The following TEX22 variants were observed in gnomAD, a reference collection of about 807,000 sequenced individuals.
TEX22 encodes testis expressed 22, also known as testis-expressed protein 22.
Under a neutral mutation model 11.3 loss-of-function variants are expected in TEX22, and 16 were observed. The observed-to-expected ratio is 1.42, with a 90% CI of 0.96 to 2.15. The LOEUF is 2.15. TEX22 is among the 30% of genes most tolerant of loss of function. The pLI is 0.00. For synonymous variants in TEX22, 97 were observed against 92.3 expected, an observed-to-expected ratio of 1.05 and a Z score of -0.29; for missense variants, 220 against 208.6, an observed-to-expected ratio of 1.05 and a Z score of -0.34.
At chr14:105,401,682 T>C (rs587617494) in intron 2 of TEX22, among the ~76,000 whole-genome samples, 7 of 152,018 alleles carry the variant, frequency 4.6e-5, no homozygotes, top group Middle Eastern at 3.4e-3. Context: ...TGGATACATA[T>C]GTAACAAACC....
At position 105,411,394 on chromosome 14, in the gene TEX22, C is replaced by A; in HGVS notation, c.177C>A (p.Arg59=). The A allele has an allele frequency of 2.3e-6, 3 of 1,321,628 alleles. No homozygotes were observed. The African/African-American group carries it at 4.6e-5, about 20-fold the overall frequency. 81.9% of individuals were successfully genotyped at this position (1,321,628 alleles called of 1,614,324 possible). The part of the protein sequence containing the change: ...DWVCEPPERR[R]PGRRWSVSID... Reference sequence around the variant, plus strand: ...TGTGCGAGCCGCCGGAACGCAGGCGCCCGGGCCGCCGCTGGAGCGTCAGCA... The same window carrying A: ...TGTGCGAGCCGCCGGAACGCAGGCGACCGGGCCGCCGCTGGAGCGTCAGCA... Residue 59 remains arginine (R), a synonymous_variant, in exon 3 of 4, where the codon CGC becomes CGA. Transcript: ENST00000451127.
At position 105,411,748 on chromosome 14, in the gene TEX22, C is replaced by G. The variant is rs781965294; in HGVS notation, c.368C>G (p.Thr123Ser). ...CACCCGCTGAGGTCCACCGAGTCCA[C>G]CAACGCCTTCCAGGCCTTCCTGGCG... ...LPHPLRSTESTNAFQAFLARS... is the reference protein window; with the variant it reads ...LPHPLRSTESSNAFQAFLARS... Residue 123 changes from threonine (T) to serine (S), a missense_variant, in exon 4 of 4, where the codon ACC becomes AGC. Thr to Ser is a moderately conservative substitution (Grantham distance 58). Transcript: ENST00000451127. 4 of 1,517,988 alleles carry G rather than the reference C, an allele frequency of 2.6e-6. No homozygotes were observed. In the South Asian group the frequency reaches 3.6e-5, roughly 14 times the overall value. 94.0% of individuals were successfully genotyped at this position (1,517,988 alleles called of 1,614,324 possible).
At chr14:105,411,525 C>CCCTG in intron 3 of TEX22, 29 bp downstream of exon 3, 4 of 1,056,540 alleles carry the variant, frequency 3.8e-6, no homozygotes, top group Non-Finnish European at 4.6e-6. Flanking sequence ...CTCCCCGCCC[C>CCCTG]GTCCCCGCCC....
Position 105,411,383 on chromosome 14 carries a change from G to T in TEX22, c.166G>T (p.Glu56Ter). 2.3e-6 allele frequency: 3 copies of T among 1,325,182 alleles called. No homozygotes were observed. Among genetic ancestry groups the T allele is most frequent in the South Asian group, 3.9e-5 (2 of 51,522 alleles). The allele number at this position is 1,325,182 out of a possible 1,614,324, so 82.1% of individuals were successfully genotyped here. A position where few individuals can be genotyped will look rare whatever the true frequency, so the allele number is the denominator to read the frequency against. Residue 56 changes from glutamate (E) to a stop codon, truncating the protein, a stop_gained, in exon 3 of 4, where the codon GAA (glutamate) becomes TAA (stop). Coordinates refer to ENST00000451127, the MANE Select transcript of TEX22 (RefSeq NM_001195082.2). LOFTEE classifies it high-confidence loss of function. ...QTQDWVCEPP[E>*]RRRPGRRWSV... is the part of the protein sequence containing the mutation. ...TGTCCCCCAGGTGTGCGAGCCGCCG[G>T]AACGCAGGCGCCCGGGCCGCCGCTG...
intron 2 of TEX22, among the ~76,000 whole-genome samples, chr14:105,409,753 CTCCT>C (rs1555419152): frequency 1.4e-5 from 2 of 146,844 alleles, no homozygotes; most frequent in African/African-American, 2.5e-5. Flanking sequence ...TTCTCTCTTT[CTCCT>C]TCCTTCCTTC....
rs145732210 is a variant in TEX22 at position 105,402,135 on chromosome 14, G to A, written c.150+2645G>A. On this transcript the variant is annotated intron_variant, in intron 2 of 3. Coordinates refer to ENST00000451127, the MANE Select transcript of TEX22 (RefSeq NM_001195082.2). ...TGGGAGTTGGAGGATGCAGTGAGCCGAGATTCCGCCACCACACTCCAGCCT... is the reference window on the plus strand; with the variant it reads ...TGGGAGTTGGAGGATGCAGTGAGCCAAGATTCCGCCACCACACTCCAGCCT... Among the ~76,000 whole-genome samples, 49 of 152,130 alleles carry A rather than the reference G, an allele frequency of 3.2e-4. 1 individual carries two copies. The highest frequency in any genetic ancestry group is 1.1e-3 in the African/African-American group (47 of 41,422).
Position 105,413,039 on chromosome 14 carries a change from G to GCT in TEX22, c.*1206_*1207insCT. ...TCCCCTTCTTACTGTAAGACTCAGT[G>GCT]AAGTTCCCTCCTCCTTCAGGAAGCC... On this transcript the variant is annotated 3_prime_UTR_variant, in exon 4 of 4. Coordinates refer to ENST00000451127, the MANE Select transcript of TEX22 (RefSeq NM_001195082.2). The surrounding 1 kb of genome is among the most constrained non-coding windows in gnomAD (Gnocchi z 4.2). The GCT allele has an allele frequency of 6.6e-6, 1 of 152,490 alleles. No individual in the cohort carries two copies. The highest frequency in any genetic ancestry group is 2.1e-4 in the South Asian group (1 of 4,830). 9.4% of individuals were successfully genotyped at this position (152,490 alleles called of 1,614,324 possible).
intron 2 of TEX22, among the ~76,000 whole-genome samples, chr14:105,400,338 C>T (rs1332752708): frequency 6.6e-6 from 1 of 152,212 alleles, no homozygotes; most frequent in Non-Finnish European, 1.5e-5. Flanking sequence ...CTTTCAAAAC[C>T]CCTATGATGG....
At chr14:105,402,880 CAT>C (rs1272847640) in intron 2 of TEX22, among the ~76,000 whole-genome samples, 1 of 151,932 alleles carries the variant, frequency 6.6e-6, no homozygotes, top group Non-Finnish European at 1.5e-5. Context: ...GGGCAGATTT[CAT>C]ATGTGTGTTT....
rs1192297473 is a variant in TEX22 at position 105,399,339 on chromosome 14, A to T, written c.-2A>T. On this transcript the variant is annotated 5_prime_UTR_variant, in exon 2 of 4. Coordinates refer to ENST00000451127, the MANE Select transcript of TEX22 (RefSeq NM_001195082.2). ...TGGACAAGCAGCCTACTAGGGCTAG[A>T]GATGGACAGCAGGAAACTGTCCCCC... 6.5e-7 allele frequency: 1 copy of T among 1,528,940 alleles called. No homozygotes were observed. Among genetic ancestry groups the T allele is most frequent in the African/African-American group, 1.4e-5 (1 of 72,746 alleles). 94.7% of individuals were successfully genotyped at this position (1,528,940 alleles called of 1,614,324 possible).
In TEX22 at chr14:105,411,531, C is replaced by T. The variant is rs1393279341; in HGVS notation, c.279+35C>T. 1.8e-4 allele frequency: 121 copies of T among 675,722 alleles called. No individual in the cohort carries two copies. In the East Asian group the frequency reaches 0.014, roughly 79 times the overall value. 41.9% of individuals were successfully genotyped at this position (675,722 alleles called of 1,614,324 possible). A position where few individuals can be genotyped will look rare whatever the true frequency, so the allele number is the denominator to read the frequency against. On this transcript the variant is annotated intron_variant, in intron 3 of 3. Transcript: ENST00000451127. ...GGGCGGGTCCTCCCCGCCCCGTCCCCGCCCCGCCCCGCCCCTCCGCCTCGC... is the reference window on the plus strand; with the variant it reads ...GGGCGGGTCCTCCCCGCCCCGTCCCTGCCCCGCCCCGCCCCTCCGCCTCGC...
chr14:105,411,682 A>G lies in TEX22; in HGVS notation c.302A>G (p.Gln101Arg), dbSNP rs1555419410. The change falls in exon 4 of 4, where the codon CAG (glutamine) becomes CGG (arginine). Residue 101 changes from glutamine (Q) to arginine (R), a missense_variant. Gln to Arg is a conservative substitution (Grantham distance 43). Coordinates refer to ENST00000451127, the MANE Select transcript of TEX22 (RefSeq NM_001195082.2). Reference sequence around the variant, plus strand: ...CAGGACGTCGTGCAGATGGTAGCCCAGCTGGTGTCGGAGGACGTGGACAAG... The same window carrying G: ...CAGGACGTCGTGCAGATGGTAGCCCGGCTGGTGTCGGAGGACGTGGACAAG... ...HCRDVVQMVA[Q>R]LVSEDVDKDV... 1.3e-6 allele frequency: 2 copies of G among 1,531,602 alleles called. No homozygotes were observed. The highest frequency in any genetic ancestry group is 1.7e-6 in the Non-Finnish European group (2 of 1,144,660). The allele number at this position is 1,531,602 out of a possible 1,614,324, so 94.9% of individuals were successfully genotyped here. A position where few individuals can be genotyped will look rare whatever the true frequency, so the allele number is the denominator to read the frequency against.
rs149438716 is a variant in TEX22, at chr14:105,411,123, G to C, written c.151-245G>C. ...TAAGCGGTCCACAGGCAGCCCTGCT[G>C]TACATGAAGCGGGGCAGGTACTGGG... On this transcript the variant is annotated intron_variant, in intron 2 of 3. Coordinates refer to ENST00000451127, the MANE Select transcript of TEX22 (RefSeq NM_001195082.2). Among the ~76,000 whole-genome samples the C allele has an allele frequency of 7.8e-3, 1,190 of 152,334 alleles. 21 individuals are homozygous for C. The highest frequency in any genetic ancestry group is 7.1e-3 in the Non-Finnish European group (483 of 68,020).
Position 105,413,124 on chromosome 14 carries a change from G to T in TEX22, c.*1291G>T, listed in dbSNP as rs781922682. The T allele has an allele frequency of 1.4e-4, 22 of 152,282 alleles. No individual in the cohort carries two copies. Among genetic ancestry groups the T allele is most frequent in the Non-Finnish European group, 4.4e-5 (3 of 68,096 alleles). The allele number at this position is 152,282 out of a possible 1,614,324, so 9.4% of individuals were successfully genotyped here. On this transcript the variant is annotated 3_prime_UTR_variant, in exon 4 of 4. Transcript: ENST00000451127. The surrounding 1 kb of genome is among the most constrained non-coding windows in gnomAD (Gnocchi z 4.2). ...TCCCAAGTCCTCTGAATGTCATTTG[G>T]TGCACCCTAGGGATCCTCTGCATTT...
intron 2 of TEX22, among the ~76,000 whole-genome samples, chr14:105,399,759 G>A (rs2081614934): frequency 6.6e-6 from 1 of 152,204 alleles, no homozygotes; most frequent in Non-Finnish European, 1.5e-5. Context: ...AGGAGGCAAG[G>A]CAACACACTT....
chr14:105,410,280 T>C (rs1208468384), intron 2 of TEX22, among the ~76,000 whole-genome samples: 1 of 152,226 alleles, frequency 6.6e-6, no homozygotes, highest in Admixed American at 6.5e-5. Flanking sequence ...TTTTTCCACG[T>C]TGGTCAGGCT....
At chr14:105,400,668 C>T (rs1360599859) in intron 2 of TEX22, among the ~76,000 whole-genome samples, 1 of 152,096 alleles carries the variant, frequency 6.6e-6, no homozygotes, top group Non-Finnish European at 1.5e-5. Flanking sequence ...GGACTGGTGG[C>T]TATGGGTAAT....
intron 2 of TEX22, among the ~76,000 whole-genome samples, chr14:105,407,125 T>C (rs1316281409): frequency 6.7e-6 from 1 of 150,028 alleles, no homozygotes; most frequent in Non-Finnish European, 1.5e-5. Flanking sequence ...TGGAGTGCAG[T>C]GGCGTGATCT....
At chr14:105,402,648 C>T (rs369760966) in intron 2 of TEX22, among the ~76,000 whole-genome samples, 28 of 148,918 alleles carry the variant, frequency 1.9e-4, no homozygotes, top group Non-Finnish European at 3.5e-4. Flanking sequence ...CCCAGCTACT[C>T]GGGAGGCTGA....
Sources: allele counts gnomAD v4.1 joint callset (sites outside exome capture counted in the v4.1 genomes callset), GRCh38; gene constraint gnomAD v4.1.1; non-coding constraint Gnocchi (gnomAD v3.1); transcripts MANE v1.5; gene names NCBI Gene and HGNC (gene_info 2026-07-23, HGNC 2026-07-21).